The following ANKFN1 variants were observed in gnomAD, a reference collection of about 807,000 sequenced individuals.
The protein encoded by ANKFN1 is ankyrin repeat and fibronectin type III domain containing 1, also known as ankyrin repeat and fibronectin type-III domain-containing protein 1.
Under a neutral mutation model 108.7 loss-of-function variants are expected in ANKFN1, and 74 were observed. That is an observed-to-expected ratio of 0.68 (90% CI 0.56 to 0.83). The LOEUF (loss-of-function observed/expected upper bound fraction) is 0.83, where lower values mean the gene tolerates loss of function less well. Ranked by LOEUF, ANKFN1 falls within the 40% of genes least tolerant of loss-of-function variation. The probability of loss-of-function intolerance (pLI) is 0.00; values close to 1 mark genes in which losing one functional copy is unlikely to be tolerated. For missense variants in ANKFN1, 1,505 were observed against 1,382.3 expected, an observed-to-expected ratio of 1.09 and a Z score of -1.41; for synonymous variants, 547 against 516.2, an observed-to-expected ratio of 1.06 and a Z score of -0.81.
At chr17:56,456,060 T>G (rs780634341) in intron 11 of ANKFN1, among the ~76,000 whole-genome samples, 4 of 152,196 alleles carry the variant, frequency 2.6e-5, no homozygotes, top group Non-Finnish European at 5.9e-5. Flanking sequence ...GTTTTGCTCT[T>G]TTTTTTCTAT....
At chr17:56,326,585 G>A (rs1367729079) in intron 4 of ANKFN1, among the ~76,000 whole-genome samples, 1 of 152,174 alleles carries the variant, frequency 6.6e-6, no homozygotes, top group Non-Finnish European at 1.5e-5. Flanking sequence ...GGGTAGGGAA[G>A]CCCCATTTCT....
chr17:56,325,503 G>A lies in ANKFN1; in HGVS notation c.54-718G>A, dbSNP rs1181503271. ...AGCCGGGTATACCCATATGTGTCTG[G>A]CATAGAAGCAGCACTGGAATCTTCT... On this transcript the variant is annotated intron_variant, in intron 3 of 20. Coordinates refer to ENST00000682825, the MANE Select transcript of ANKFN1 (RefSeq NM_001370326.1). 5.3e-5 allele frequency among the ~76,000 whole-genome samples: 8 copies of A among 152,174 alleles called. No individual in the cohort carries two copies. In the East Asian group the frequency reaches 1.5e-3, roughly 29 times the overall value.
In ANKFN1 at chr17:56,510,474, T is replaced by C. The variant is rs1177565535; in HGVS notation, c.2646T>C (p.Asp882=). ...TAACCTCAGTTTCTGGCTTCGCAGATTCACAGCCCTGCTCTGATGAAGAAG... is the reference window on the plus strand; with the variant it reads ...TAACCTCAGTTTCTGGCTTCGCAGACTCACAGCCCTGCTCTGATGAAGAAG... ...PEMHRRKTVS[D]SQPCSDEEAC... is the part of the protein sequence containing the mutation. The change falls in exon 21 of 21, where the codon GAT becomes GAC. Residue 882 remains aspartate (D), a splice_region_variant and synonymous_variant. Coordinates refer to ENST00000682825, the MANE Select transcript of ANKFN1 (RefSeq NM_001370326.1). 1.3e-6 allele frequency: 2 copies of C among 1,533,836 alleles called. No homozygotes were observed. The highest frequency in any genetic ancestry group is 2.7e-5 in the African/African-American group (2 of 72,846).
intron 8 of ANKFN1, among the ~76,000 whole-genome samples, chr17:56,420,588 A>T (rs1028187776): frequency 6.6e-6 from 1 of 151,886 alleles, no homozygotes; most frequent in African/African-American, 2.4e-5. Flanking sequence ...TTCAGCATAT[A>T]TGAGAACCCA....
intron 19 of ANKFN1, 54 bp from the exon 20 acceptor site, chr17:56,498,828 T>C: frequency 2.1e-6 from 3 of 1,414,758 alleles, no homozygotes; most frequent in Non-Finnish European, 2.9e-6. Flanking sequence ...GGAAATGTAT[T>C]CCTTTTTAAT....
chr17:56,196,186 G>A (rs1445020422), intron 1 of ANKFN1, among the ~76,000 whole-genome samples: 2 of 152,094 alleles, frequency 1.3e-5, no homozygotes, highest in Admixed American at 6.6e-5. Flanking sequence ...AGCCCAAGAG[G>A]TTGAGGCTGC....
chr17:56,114,833 A>C (rs1490581036), intron 4 of ANKFN1, among the ~76,000 whole-genome samples: 1 of 152,244 alleles, frequency 6.6e-6, no homozygotes, highest in Non-Finnish European at 1.5e-5. Flanking sequence ...AGATGAATCA[A>C]AGTCAGAGAA....
chr17:56,391,212 C>CATATATATATATATATATATATATAT (rs202114506), intron 8 of ANKFN1, among the ~76,000 whole-genome samples: 1 of 121,416 alleles, frequency 8.2e-6, no homozygotes, highest in African/African-American at 4.0e-5. Flanking sequence ...CCCAAGAATA[C>CATATATATATATATATATATATATAT]ATATATATAT....
chr17:56,305,145 CAA>C (rs1039461762), intron 3 of ANKFN1, among the ~76,000 whole-genome samples: 11 of 152,218 alleles, frequency 7.2e-5, no homozygotes, highest in Admixed American at 5.9e-4. Context: ...AAGTGCCAAG[CAA>C]AAGAGGGAAA....
rs76372479 is a variant in ANKFN1 at position 56,414,483 on chromosome 17, G to T, written c.911-25844G>T. Among the ~76,000 whole-genome samples, 40 of 152,216 alleles carry T rather than the reference G, an allele frequency of 2.6e-4. No homozygotes were observed. The East Asian group carries it at 6.8e-3, about 26-fold the overall frequency. ...GCCAATATTTCTGATTAATACTGGT[G>T]TAAAAATCCTCAGCAAAATACTAGC... On this transcript the variant is annotated intron_variant, in intron 8 of 20. Coordinates refer to ENST00000682825, the MANE Select transcript of ANKFN1 (RefSeq NM_001370326.1).
chr17:56,080,798 G>A (rs1442309648), intron 4 of ANKFN1, among the ~76,000 whole-genome samples: 3 of 152,224 alleles, frequency 2.0e-5, no homozygotes, highest in Non-Finnish European at 4.4e-5. Context: ...CATAGAAAGT[G>A]TGTGTTTTGG....
At chr17:56,204,383 C>T (rs1448391813) in intron 1 of ANKFN1, among the ~76,000 whole-genome samples, 1 of 151,688 alleles carries the variant, frequency 6.6e-6, no homozygotes, top group African/African-American at 2.4e-5. Context: ...CTCTGTCGCC[C>T]AGGCTGGAGT....
chr17:56,072,651 T>C (rs1326359629), intron 4 of ANKFN1, among the ~76,000 whole-genome samples: 1 of 152,228 alleles, frequency 6.6e-6, no homozygotes, highest in African/African-American at 2.4e-5. Flanking sequence ...GTTGCTATCC[T>C]TGTAGCAGCT....
At chr17:56,202,890 T>A (rs902267719) in intron 1 of ANKFN1, among the ~76,000 whole-genome samples, 14 of 152,186 alleles carry the variant, frequency 9.2e-5, no homozygotes, top group Non-Finnish European at 1.5e-4. Flanking sequence ...TATACTTTTT[T>A]AAAATACATA....
chr17:56,375,267 G>A (rs143865808), intron 8 of ANKFN1, among the ~76,000 whole-genome samples: 2 of 152,258 alleles, frequency 1.3e-5, no homozygotes, highest in African/African-American at 2.4e-5. Context: ...GCTTTGGCCT[G>A]GAAGATATTG....
At chr17:56,221,696 G>A (rs1013868063) in intron 2 of ANKFN1, among the ~76,000 whole-genome samples, 3 of 152,216 alleles carry the variant, frequency 2.0e-5, no homozygotes, top group Non-Finnish European at 2.9e-5. Flanking sequence ...ATGTGACAAA[G>A]CGATTTCGAA....
intron 3 of ANKFN1, among the ~76,000 whole-genome samples, chr17:56,269,642 A>G (rs2043741094): frequency 6.6e-6 from 1 of 152,224 alleles, no homozygotes; most frequent in Non-Finnish European, 1.5e-5. Flanking sequence ...GCTTAAGTCA[A>G]AATAGTTTTG....
chr17:56,159,882 G>A (rs934513573), intron 1 of ANKFN1, among the ~76,000 whole-genome samples: 18 of 151,802 alleles, frequency 1.2e-4, no homozygotes, highest in Admixed American at 2.0e-4. Context: ...TAAAATTATA[G>A]GATATAACCA....
intron 8 of ANKFN1, among the ~76,000 whole-genome samples, chr17:56,395,115 C>G (rs1479779756): frequency 1.3e-5 from 2 of 152,088 alleles, no homozygotes; most frequent in African/African-American, 4.8e-5. Flanking sequence ...AATGTAGGCT[C>G]CTTATATCAG....
Sources: allele counts gnomAD v4.1 joint callset (sites outside exome capture counted in the v4.1 genomes callset), GRCh38; gene constraint gnomAD v4.1.1; transcripts MANE v1.5; gene names NCBI Gene and HGNC (gene_info 2026-07-23, HGNC 2026-07-21).